The following PALLD variants were observed in gnomAD, a reference collection of about 807,000 sequenced individuals.
PALLD encodes the protein palladin, cytoskeletal associated protein.
Under a neutral mutation model 123.5 loss-of-function variants are expected in PALLD, and 61 were observed. The ratio of observed to expected loss-of-function variants is 0.49; its 90% CI spans 0.40 to 0.61. The LOEUF (loss-of-function observed/expected upper bound fraction) is 0.61. PALLD is among the 20% of genes least tolerant of loss of function. The pLI is 0.00. For synonymous variants in PALLD, 465 were observed against 496.4 expected, an observed-to-expected ratio of 0.94 and a Z score of 0.84; for missense variants, 1,273 against 1,377.0, an observed-to-expected ratio of 0.92 and a Z score of 1.20.
intron 10 of PALLD, chr4:168,877,978 G>T: frequency 6.7e-7 from 1 of 1,501,516 alleles, no homozygotes; most frequent in Non-Finnish European, 8.8e-7. Context: ...TCATCGCCGC[G>T]CAGAACCTCG....
chr4:168,819,614 G>C (rs1476756792), intron 10 of PALLD, among the ~76,000 whole-genome samples: 1 of 152,192 alleles, frequency 6.6e-6, no homozygotes, highest in Non-Finnish European at 1.5e-5. Flanking sequence ...CCCCGCTACT[G>C]CTGGGAGTAA....
intron 1 of PALLD, among the ~76,000 whole-genome samples, chr4:168,506,634 C>G (rs1182690538): frequency 6.6e-6 from 1 of 152,206 alleles, no homozygotes; most frequent in Non-Finnish European, 1.5e-5. Context: ...TTACAGCGCT[C>G]TATCCTAAAA....
At chr4:168,877,998 C>G in intron 10 of PALLD, 1 of 1,498,376 alleles carries the variant, frequency 6.7e-7, no homozygotes, top group African/African-American at 1.5e-5. Context: ...GGGCCCGCGT[C>G]GGGCCACGGC....
intron 15 of PALLD, among the ~76,000 whole-genome samples, chr4:168,908,465 G>A (rs1271143937): frequency 2.6e-5 from 4 of 151,836 alleles, no homozygotes; most frequent in African/African-American, 7.3e-5. Context: ...ATTAAGACAT[G>A]AGTTTAAATA....
intron 2 of PALLD, among the ~76,000 whole-genome samples, chr4:168,578,038 C>T (rs1034960964): frequency 6.6e-6 from 1 of 152,060 alleles, no homozygotes; most frequent in Non-Finnish European, 1.5e-5. Flanking sequence ...TTAATGTGTG[C>T]TTCCTTTGGA....
chr4:168,714,441 TAGAG>T (rs1785143210), intron 10 of PALLD, among the ~76,000 whole-genome samples: 1 of 152,224 alleles, frequency 6.6e-6, no homozygotes, highest in South Asian at 2.1e-4. Flanking sequence ...GTATTATTGA[TAGAG>T]AAATACTATT....
intron 5 of PALLD, among the ~76,000 whole-genome samples, chr4:168,684,960 G>C (rs10018207): frequency 0.03 from 4,513 of 152,196 alleles, 221 homozygotes; most frequent in African/African-American, 0.1. Flanking sequence ...GAATGTCATT[G>C]AATAGGTATT....
At chr4:168,925,208 G>GCTCT (rs536545858) in intron 20 of PALLD, 25 bp from the exon 21 acceptor site, 2 of 1,583,056 alleles carry the variant, frequency 1.3e-6, no homozygotes, top group African/African-American at 2.7e-5. Context: ...AATTCATATT[G>GCTCT]CTCTCTCTCT....
intron 2 of PALLD, among the ~76,000 whole-genome samples, chr4:168,601,355 A>C (rs1176109749): frequency 6.6e-6 from 1 of 152,170 alleles, no homozygotes; most frequent in African/African-American, 2.4e-5. Context: ...TCAAGGCATT[A>C]GCTCAATTTG....
At chr4:168,709,854 C>G (rs973921254) in intron 9 of PALLD, among the ~76,000 whole-genome samples, 7 of 151,984 alleles carry the variant, frequency 4.6e-5, no homozygotes, top group Non-Finnish European at 8.8e-5. Context: ...TAAAATCGTG[C>G]AGTCTTGGTC....
chr4:168,655,988 T>TA (rs1329863113), intron 2 of PALLD, among the ~76,000 whole-genome samples: 2 of 152,334 alleles, frequency 1.3e-5, no homozygotes, highest in East Asian at 3.9e-4. Context: ...AGTTTGACTT[T>TA]AGTCCTTTGG....
chr4:168,875,400 T>A (rs142324038), intron 10 of PALLD, among the ~76,000 whole-genome samples: 334 of 152,338 alleles, frequency 2.2e-3, no homozygotes, highest in African/African-American at 7.3e-3. Flanking sequence ...TTTCATCACA[T>A]CACAGTCCAG....
In PALLD at chr4:168,761,645, G is replaced by GTTTTTTTTT. The variant is rs70961555; in HGVS notation, c.1964+49745_1964+49753dup. On this transcript the variant is annotated intron_variant, in intron 10 of 21. Transcript: ENST00000505667. ...CCAGCTATTTTTGTTGTTGTTGTTT[G>GTTTTTTTTT]TTTTTTTTTTTTTTTTTTTTTTTTT... Among the ~76,000 whole-genome samples, 639 of 87,106 alleles carry GTTTTTTTTT rather than the reference G, an allele frequency of 7.3e-3. 82 individuals are homozygous for GTTTTTTTTT. Among genetic ancestry groups the GTTTTTTTTT allele is most frequent in the Non-Finnish European group, 9.3e-3 (417 of 44,614 alleles). The allele number at this position is 87,106 out of a possible 152,430, so 57.1% of individuals were successfully genotyped here.
At chr4:168,831,711 T>A (rs1043718121) in intron 10 of PALLD, among the ~76,000 whole-genome samples, 2 of 152,162 alleles carry the variant, frequency 1.3e-5, no homozygotes, top group Non-Finnish European at 2.9e-5. Context: ...TTGGACACTC[T>A]TTAGTCTGTA....
rs117566833 is a variant in PALLD, at chr4:168,697,080, A to G, written c.1501+5788A>G. Among the ~76,000 whole-genome samples the G allele has an allele frequency of 8.7e-4, 133 of 152,326 alleles. 2 individuals carry two copies. In the East Asian group the frequency reaches 0.024, roughly 27 times the overall value. On this transcript the variant is annotated intron_variant, in intron 8 of 21. Coordinates refer to ENST00000505667, the MANE Select transcript of PALLD (RefSeq NM_001166108.2). ...CCTGGGAGAAAACATCAGGTTATATATACAAACTAGCAAGATGCAAATAGC... is the reference window on the plus strand; with the variant it reads ...CCTGGGAGAAAACATCAGGTTATATGTACAAACTAGCAAGATGCAAATAGC...
At chr4:168,920,921 G>A (rs963428881) in intron 17 of PALLD, among the ~76,000 whole-genome samples, 2 of 152,216 alleles carry the variant, frequency 1.3e-5, no homozygotes, top group African/African-American at 2.4e-5. Flanking sequence ...CCAGAGCCTG[G>A]TGCTGATATC....
rs373126829 is a variant in PALLD, at chr4:168,904,725, T to G, written c.2622+819T>G. ...TGAGCAGTTTTCTCTAGAAGTCATC[T>G]TTTTAGAATCTCTGATCTACTTATA... On this transcript the variant is annotated intron_variant, in intron 15 of 21. Transcript: ENST00000505667. Among the ~76,000 whole-genome samples the G allele has an allele frequency of 3.9e-5, 6 of 152,306 alleles. No homozygotes were observed. In the East Asian group the frequency reaches 1.2e-3, roughly 29 times the overall value.
chr4:168,724,396 G>A (rs1159744136), intron 10 of PALLD, among the ~76,000 whole-genome samples: 1 of 152,138 alleles, frequency 6.6e-6, no homozygotes, highest in Non-Finnish European at 1.5e-5. Flanking sequence ...ATTAGTTACA[G>A]GGAGGTTTAT....
At chr4:168,558,775 T>C (rs942009173) in intron 2 of PALLD, among the ~76,000 whole-genome samples, 6 of 152,172 alleles carry the variant, frequency 3.9e-5, no homozygotes, top group African/African-American at 1.2e-4. Flanking sequence ...TGGAATTTCT[T>C]TGGAATGCCA....
Sources: gnomAD v4.1 joint callset for allele counts (sites outside exome capture counted in the v4.1 genomes callset) on GRCh38, gnomAD v4.1.1 for gene constraint, MANE v1.5 for transcripts, NCBI Gene and HGNC (gene_info 2026-07-23, HGNC 2026-07-21) for gene names.